Variants in SLCO1B3 observed in about 807,000 individuals in gnomAD.
SLCO1B3 encodes solute carrier organic anion transporter family member 1B3.
SLCO1B3 carries 72 observed loss-of-function variants against 71.8 expected under a neutral mutation model. The ratio of observed to expected loss-of-function variants is 1.00; its 90% CI spans 0.83 to 1.22. The LOEUF is 1.22. SLCO1B3 is among the 50% of genes most tolerant of loss of function. SLCO1B3 has a pLI of 0.00. For missense variants in SLCO1B3, 911 were observed against 819.7 expected (o/e 1.11, Z -1.36); for synonymous variants, 298 against 278.4 (o/e 1.07, Z -0.70).
Position 20,837,202 on chromosome 12 carries a change from T to C in SLCO1B3, c.85-17826T>C, listed in dbSNP as rs151029426. ...ATTGGTAATTAGTATTCACTCTCTT[T>C]TTTTTTCCCTTAGTTAACCTGGTTA... On this transcript the variant is annotated intron_variant, in intron 3 of 15. Transcript: ENST00000381545. Among the ~76,000 whole-genome samples the C allele has an allele frequency of 1.4e-3, 214 of 152,246 alleles. 2 individuals carry two copies. Among genetic ancestry groups the C allele is most frequent in the African/African-American group, 5.0e-3 (209 of 41,570 alleles).
Position 20,855,017 on chromosome 12 carries a change from ATTG to A in SLCO1B3, c.85-8_85-6del. The A allele has an allele frequency of 6.2e-7, 1 of 1,605,624 alleles. No homozygotes were observed. Among genetic ancestry groups the A allele is most frequent in the Non-Finnish European group, 8.5e-7 (1 of 1,178,126 alleles). On this transcript the variant is annotated splice_polypyrimidine_tract_variant and splice_region_variant and intron_variant, in intron 3 of 15. Transcript: ENST00000381545. ...TTAACCAATTTTCATTTTTTCTTCT[ATTG>A]TTTTTAGATGTTCTTGGCAGCCCTG...
chr12:20,850,541 C>T (rs2121207180), intron 3 of SLCO1B3, among the ~76,000 whole-genome samples: 1 of 152,204 alleles, frequency 6.6e-6, no homozygotes, highest in Middle Eastern at 3.4e-3. Context: ...CTCGGCCTCC[C>T]AAAGCGCTGG....
intron 3 of SLCO1B3, among the ~76,000 whole-genome samples, chr12:20,818,177 C>T (rs1018003344): frequency 1.3e-5 from 2 of 152,250 alleles, no homozygotes; most frequent in African/African-American, 4.8e-5. Flanking sequence ...ATTCTGAGGA[C>T]AGGTCTGACT....
Position 20,901,506 on chromosome 12 carries a change from C to G in SLCO1B3, c.1865+39C>G, listed in dbSNP as rs200620101. The G allele has an allele frequency of 3.0e-5, 33 of 1,095,956 alleles. No homozygotes were observed. The East Asian group carries it at 8.4e-4, about 28-fold the overall frequency. The allele number at this position is 1,095,956 out of a possible 1,614,324, so 67.9% of individuals were successfully genotyped here. ...AACACATTTCATTAATAGATTTTTTCTTTGTCTATGTTAATGTCTAAGATA... is the reference window on the plus strand; with the variant it reads ...AACACATTTCATTAATAGATTTTTTGTTTGTCTATGTTAATGTCTAAGATA... On this transcript the variant is annotated intron_variant, in intron 15 of 15. Transcript: ENST00000381545.
chr12:20,860,732 A>G (rs545044667), intron 5 of SLCO1B3, among the ~76,000 whole-genome samples: 88 of 152,170 alleles, frequency 5.8e-4, no homozygotes, highest in African/African-American at 2.1e-3. Context: ...AGGTGAAACC[A>G]TGATATTTCA....
At chr12:20,845,626 A>ATTTAT (rs1555154048) in intron 3 of SLCO1B3, among the ~76,000 whole-genome samples, 1 of 151,352 alleles carries the variant, frequency 6.6e-6, no homozygotes, top group Non-Finnish European at 1.5e-5. Flanking sequence ...AAAAATTGAG[A>ATTTAT]TTTGTGATGT....
At chr12:20,856,088 C>T (rs1865129571) in intron 4 of SLCO1B3, among the ~76,000 whole-genome samples, 1 of 152,120 alleles carries the variant, frequency 6.6e-6, no homozygotes, top group Admixed American at 6.6e-5. Flanking sequence ...ACTTGTTTAC[C>T]TCCCAGGCTC....
chr12:20,889,551 C>G (rs1364609070), intron 13 of SLCO1B3, among the ~76,000 whole-genome samples: 2 of 152,014 alleles, frequency 1.3e-5, no homozygotes, highest in African/African-American at 4.8e-5. Context: ...TTTAATGACA[C>G]CAGTAATATT....
At chr12:20,852,958 AATTAAT>A (rs1422429496) in intron 3 of SLCO1B3, among the ~76,000 whole-genome samples, 5 of 152,058 alleles carry the variant, frequency 3.3e-5, no homozygotes, top group Non-Finnish European at 7.4e-5. Context: ...CAGTAGGTTG[AATTAAT>A]ATTAATGTTA....
intron 14 of SLCO1B3, among the ~76,000 whole-genome samples, chr12:20,901,037 C>T (rs185524251): frequency 1.1e-3 from 161 of 152,242 alleles, no homozygotes; most frequent in Middle Eastern, 6.8e-3. Context: ...TAACAACATT[C>T]CCCTTTTTAC....
intron 3 of SLCO1B3, among the ~76,000 whole-genome samples, chr12:20,842,315 C>T (rs1340764062): frequency 1.3e-5 from 2 of 152,120 alleles, no homozygotes; most frequent in Admixed American, 6.5e-5. Flanking sequence ...AATTGAGAAA[C>T]AAAGATATGT....
At chr12:20,907,443 C>T (rs1190920044) in intron 15 of SLCO1B3, among the ~76,000 whole-genome samples, 12 of 137,432 alleles carry the variant, frequency 8.7e-5, no homozygotes, top group Non-Finnish European at 1.9e-4. Context: ...TCCCCCTTCC[C>T]TTCCCCTTCC....
At chr12:20,847,910 T>TA in intron 3 of SLCO1B3, among the ~76,000 whole-genome samples, 1 of 151,910 alleles carries the variant, frequency 6.6e-6, no homozygotes, top group South Asian at 2.1e-4. Flanking sequence ...GAACTCCAAG[T>TA]AAAAAAACTG....
chr12:20,833,941 C>T (rs973122185), intron 3 of SLCO1B3, among the ~76,000 whole-genome samples: 121 of 146,236 alleles, frequency 8.3e-4, no homozygotes, highest in African/African-American at 2.9e-3. Flanking sequence ...CATATGTACA[C>T]ATATACATAT....
At chr12:20,815,548 G>T (rs977848117) in intron 2 of SLCO1B3, 126 bp from the exon 3 acceptor site, 15 of 481,970 alleles carry the variant, frequency 3.1e-5, no homozygotes, top group Admixed American at 1.1e-4. Flanking sequence ...CTGTGGTCAG[G>T]AAATAGCAGG....
At position 20,907,260 on chromosome 12, in the gene SLCO1B3, A is replaced by G. The variant is rs1398361540; in HGVS notation, c.1865+5793A>G. Among the ~76,000 whole-genome samples, 3 of 152,308 alleles carry G rather than the reference A, an allele frequency of 2.0e-5. No individual in the cohort carries two copies. In the East Asian group the frequency reaches 5.8e-4, roughly 29 times the overall value. On this transcript the variant is annotated intron_variant, in intron 15 of 15. Transcript: ENST00000381545. ...CTGATGTGTAAATTCACTGTCTAAC[A>G]TCCCCAACAAGTAATGATCCAGATT...
At chr12:20,864,999 G>A (rs1159672441) in intron 8 of SLCO1B3, among the ~76,000 whole-genome samples, 2 of 151,980 alleles carry the variant, frequency 1.3e-5, no homozygotes, top group Non-Finnish European at 2.9e-5. Flanking sequence ...TTTGGCACCG[G>A]CATTAATAAG....
At position 20,879,649 on chromosome 12, in the gene SLCO1B3, T is replaced by G; in HGVS notation, c.1331+18T>G. On this transcript the variant is annotated intron_variant, in intron 11 of 15. Transcript: ENST00000381545. The stretch of plus-strand genomic sequence containing the variant: ...TATGATGGGTTTGTATATATTGCTA[T>G]ATAAATTGTGTAATATGTTAACCAT... 6.6e-7 allele frequency: 1 copy of G among 1,511,410 alleles called. No homozygotes were observed. The highest frequency in any genetic ancestry group is 1.4e-5 in the African/African-American group (1 of 71,558). 93.6% of individuals were successfully genotyped at this position (1,511,410 alleles called of 1,614,324 possible). A position where few individuals can be genotyped will look rare whatever the true frequency, so the allele number is the denominator to read the frequency against.
chr12:20,823,803 C>T (rs779481015), intron 3 of SLCO1B3, among the ~76,000 whole-genome samples: 2 of 152,068 alleles, frequency 1.3e-5, no homozygotes, highest in African/African-American at 4.8e-5. Context: ...AGTTCCTGGA[C>T]CAGTCAAAAA....
Sources: allele counts gnomAD v4.1 joint callset (sites outside exome capture counted in the v4.1 genomes callset), GRCh38; gene constraint gnomAD v4.1.1; transcripts MANE v1.5; gene names NCBI Gene and HGNC (gene_info 2026-07-23, HGNC 2026-07-21).